The following HMCN1 variants were observed in gnomAD, a reference collection of about 807,000 sequenced individuals.
HMCN1 encodes hemicentin 1.
Under a neutral mutation model 625.9 loss-of-function variants are expected in HMCN1, and 321 were observed. That is an observed-to-expected ratio of 0.51 (90% confidence interval 0.47 to 0.56). The LOEUF (loss-of-function observed/expected upper bound fraction) is 0.56. Ranked by LOEUF, HMCN1 falls within the 20% of genes least tolerant of loss-of-function variation. HMCN1 has a pLI of 0.00. For synonymous variants in HMCN1, 2,425 were observed against 2,417.6 expected (o/e 1.00, Z -0.09); for missense variants, 6,588 against 6,887.3 (o/e 0.96, Z 1.54).
chr1:186,018,456 T>C (rs1654506967), intron 34 of HMCN1, 104 bp downstream of exon 34: 1 of 1,188,664 alleles, frequency 8.4e-7, no homozygotes, highest in Non-Finnish European at 1.3e-6. Flanking sequence ...AATCCTGAGT[T>C]GTGGAAGGTA....
At chr1:186,098,548 G>A (rs117310993) in intron 68 of HMCN1, among the ~76,000 whole-genome samples, 7 of 152,078 alleles carry the variant, frequency 4.6e-5, no homozygotes, top group East Asian at 1.9e-4. Context: ...AACAAGAGTC[G>A]GCAAGGATGT....
intron 53 of HMCN1, among the ~76,000 whole-genome samples, chr1:186,075,835 T>C (rs1203928558): frequency 6.6e-6 from 1 of 152,198 alleles, no homozygotes; most frequent in Non-Finnish European, 1.5e-5. Flanking sequence ...TTCATAATTT[T>C]CTAAGGGTGG....
chr1:185,997,388 C>T, intron 24 of HMCN1, 41 bp from the exon 25 acceptor site: 3 of 1,327,052 alleles, frequency 2.3e-6, no homozygotes, highest in Non-Finnish European at 3.3e-6. Flanking sequence ...TTTGAAATTG[C>T]TCAAAGAAAG....
intron 1 of HMCN1, among the ~76,000 whole-genome samples, chr1:185,796,148 G>A (rs141463247): frequency 1.0e-3 from 159 of 152,250 alleles, no homozygotes; most frequent in African/African-American, 3.6e-3. Context: ...TGTGGTTTGA[G>A]GATGAAACTG....
At chr1:185,933,488 A>G (rs1381184156) in intron 10 of HMCN1, 61 bp from the exon 11 acceptor site, 1 of 1,561,622 alleles carries the variant, frequency 6.4e-7, no homozygotes, top group East Asian at 2.2e-5. Context: ...TTTAAACCAC[A>G]TCTGTAAGTG....
Position 186,045,795 on chromosome 1 carries a change from T to C in HMCN1, c.6412T>C (p.Leu2138=). The C allele has an allele frequency of 6.2e-7, 1 of 1,613,244 alleles. No homozygotes were observed. The highest frequency in any genetic ancestry group is 1.7e-5 in the Admixed American group (1 of 59,978). The change falls in exon 41 of 107, where the codon TTA becomes CTA. Residue 2138 remains leucine, a synonymous_variant. Coordinates refer to ENST00000271588, the MANE Select transcript of HMCN1 (RefSeq NM_031935.3). ...TATTCCCCCACCTACTCTTACTTGG[T>C]TAAAAGACGGCCACCCCTTGCTGAA... ...DAIPPPTLTW[L]KDGHPLLKKP...
At position 186,074,904 on chromosome 1, in the gene HMCN1, G is replaced by T. The variant is rs758055889; in HGVS notation, c.8290+13G>T. ...GTGAATATTCAAGGTAATACTAATT[G>T]CTTATTGTATATAATGTAATTTATA... On this transcript the variant is annotated intron_variant, in intron 53 of 106. Coordinates refer to ENST00000271588, the MANE Select transcript of HMCN1 (RefSeq NM_031935.3). 3 of 1,583,230 alleles carry T rather than the reference G, an allele frequency of 1.9e-6. No individual in the cohort carries two copies. The South Asian group carries it at 3.3e-5, about 18-fold the overall frequency.
chr1:186,017,014 T>C lies in HMCN1; in HGVS notation c.5243T>C (p.Val1748Ala), dbSNP rs780901788. ...GDETSYFIVM[V>A]NNLLELDCHV... ...GAAACATCTTACTTCATTGTGATGG[T>C]TAATAACTTACTGGAGCTAGATTGT... The change falls in exon 33 of 107, where the codon GTT (valine) becomes GCT (alanine). Residue 1748 changes from valine (V) to alanine (A), a missense_variant. By Grantham distance (64) the Val-to-Ala change is moderately conservative. Transcript: ENST00000271588. 9 of 1,610,626 alleles carry C rather than the reference T, an allele frequency of 5.6e-6. No individual in the cohort carries two copies. The Admixed American group carries it at 6.7e-5, about 12-fold the overall frequency.
chr1:185,790,964 T>G (rs1657949837), intron 1 of HMCN1, among the ~76,000 whole-genome samples: 1 of 152,202 alleles, frequency 6.6e-6, no homozygotes, highest in Non-Finnish European at 1.5e-5. Flanking sequence ...AATGTGCACC[T>G]CCTATATTAT....
intron 11 of HMCN1, among the ~76,000 whole-genome samples, chr1:185,940,937 T>C (rs1668048276): frequency 6.6e-6 from 1 of 152,200 alleles, no homozygotes; most frequent in Non-Finnish European, 1.5e-5. Flanking sequence ...TAATTTTGTA[T>C]TTTTAGTAGA....
chr1:185,805,781 TTG>T (rs747166372), intron 1 of HMCN1, among the ~76,000 whole-genome samples: 75 of 152,292 alleles, frequency 4.9e-4, no homozygotes, highest in Admixed American at 1.3e-3. Flanking sequence ...TCTGAAGGTA[TTG>T]TGAGCAGCAC....
intron 4 of HMCN1, among the ~76,000 whole-genome samples, chr1:185,889,316 A>G (rs1414762659): frequency 5.7e-5 from 8 of 141,516 alleles, no homozygotes; most frequent in African/African-American, 2.1e-4. Flanking sequence ...TCTCCTGCCT[A>G]ATTGCCCTGG....
At chr1:186,087,882 G>T (rs373805338) in intron 60 of HMCN1, 50 bp from the exon 61 acceptor site, 11 of 1,480,632 alleles carry the variant, frequency 7.4e-6, no homozygotes, top group Non-Finnish European at 9.4e-6. Flanking sequence ...CAGTATGATT[G>T]GTCATCTATA....
chr1:185,900,707 C>T (rs980404701), intron 4 of HMCN1, among the ~76,000 whole-genome samples: 2 of 151,786 alleles, frequency 1.3e-5, no homozygotes, highest in African/African-American at 4.8e-5. Context: ...CCTAAAGCTC[C>T]TTGTTTTTGA....
At chr1:186,122,101 G>A (rs1661426043) in intron 80 of HMCN1, among the ~76,000 whole-genome samples, 1 of 152,026 alleles carries the variant, frequency 6.6e-6, no homozygotes, top group Non-Finnish European at 1.5e-5. Flanking sequence ...AGAAATTAAG[G>A]GACAAAGAAA....
intron 1 of HMCN1, among the ~76,000 whole-genome samples, chr1:185,841,880 G>A (rs1002265809): frequency 1.3e-5 from 2 of 152,170 alleles, no homozygotes; most frequent in African/African-American, 4.8e-5. Context: ...AATTATAAAA[G>A]TTCTTGCAAA....
chr1:186,106,875 G>C lies in HMCN1; in HGVS notation c.10771-9G>C, dbSNP rs1203972647. 6.3e-7 allele frequency: 1 copy of C among 1,585,832 alleles called. No individual in the cohort carries two copies. Among genetic ancestry groups the C allele is most frequent in the Admixed American group, 1.7e-5 (1 of 59,990 alleles). ...TAACATTATGTAATTCATTATTTGGGTTTTGTAGGTGGAGGATACAGGAAG... is the reference window on the plus strand; with the variant it reads ...TAACATTATGTAATTCATTATTTGGCTTTTGTAGGTGGAGGATACAGGAAG... On this transcript the variant is annotated splice_polypyrimidine_tract_variant and intron_variant, in intron 69 of 106. Coordinates refer to ENST00000271588, the MANE Select transcript of HMCN1 (RefSeq NM_031935.3).
rs377431882 is a variant in HMCN1 at position 186,166,289 on chromosome 1, G to A, written c.15425G>A (p.Gly5142Glu). The A allele has an allele frequency of 1.2e-5, 19 of 1,614,148 alleles. No individual in the cohort carries two copies. Among genetic ancestry groups the A allele is most frequent in the Non-Finnish European group, 1.6e-5 (19 of 1,180,002 alleles). Residue 5142 changes from glycine to glutamate, a missense_variant, in exon 99 of 107, where the codon GGA becomes GAA. Gly to Glu is a moderately conservative substitution (Grantham distance 98, BLOSUM62 -2). Transcript: ENST00000271588. ...CPKGLTIAAD[G>E]RTCQDIDECA... Reference sequence around the variant, plus strand: ...AAAGGCCTCACCATAGCTGCAGATGGAAGAACTTGTCAAGGTATTCACAAA... The same window carrying A: ...AAAGGCCTCACCATAGCTGCAGATGAAAGAACTTGTCAAGGTATTCACAAA...
intron 75 of HMCN1, 79 bp from the exon 76 acceptor site, chr1:186,116,915 A>T: frequency 6.7e-7 from 1 of 1,488,376 alleles, no homozygotes; most frequent in Non-Finnish European, 9.3e-7. Context: ...AATTTACAAC[A>T]TGGTACCATG....
Sources: allele counts gnomAD v4.1 joint callset (sites outside exome capture counted in the v4.1 genomes callset), GRCh38; gene constraint gnomAD v4.1.1; transcripts MANE v1.5; gene names NCBI Gene and HGNC (gene_info 2026-07-23, HGNC 2026-07-21).